Variants in ATP6V0A1 observed in about 807,000 individuals in gnomAD.
ATP6V0A1 encodes ATPase H+ transporting V0 subunit a1.
A neutral mutation model predicts 105.4 loss-of-function variants in ATP6V0A1; 43 were observed. The ratio of observed to expected loss-of-function variants is 0.41; its 90% confidence interval spans 0.32 to 0.53. ATP6V0A1 has a LOEUF of 0.53. Ranked by LOEUF, ATP6V0A1 falls within the 20% of genes least tolerant of loss-of-function variation. The pLI is 0.30. For synonymous variants in ATP6V0A1, 362 were observed against 372.8 expected (o/e 0.97, Z 0.33); for missense variants, 676 against 1,051.1 (o/e 0.64, Z 4.93).
chr17:42,490,746 C>A (rs954276230), intron 11 of ATP6V0A1, 109 bp downstream of exon 11: 2 of 1,221,712 alleles, frequency 1.6e-6, no homozygotes, highest in Non-Finnish European at 2.3e-6. Flanking sequence ...TGGAGTGCAG[C>A]AGCACGACTG....
intron 21 of ATP6V0A1, chr17:42,518,050 C>T (rs1431945956): frequency 6.6e-6 from 1 of 152,228 alleles, no homozygotes; most frequent in Non-Finnish European, 1.5e-5. Flanking sequence ...TCCCTCCTGC[C>T]ACATGAAGTG....
intron 21 of ATP6V0A1, among the ~76,000 whole-genome samples, chr17:42,515,468 C>CA (rs34612473): frequency 0.27 from 23,202 of 85,234 alleles, 2,950 homozygotes; most frequent in South Asian, 0.38. Flanking sequence ...GACTCTGTCT[C>CA]AAAAAAAAAA....
intron 18 of ATP6V0A1, 45 bp from the exon 19 acceptor site, chr17:42,508,527 G>A: frequency 6.2e-7 from 1 of 1,613,182 alleles, no homozygotes; most frequent in East Asian, 2.2e-5. Flanking sequence ...TTGTGACCTT[G>A]TGTGTGGCGT....
At chr17:42,490,662 T>A (rs1253082529) in intron 11 of ATP6V0A1, 25 bp downstream of exon 11, 1 of 1,568,574 alleles carries the variant, frequency 6.4e-7, no homozygotes, top group Non-Finnish European at 8.6e-7. Flanking sequence ...GTTATCTTTT[T>A]CCTCTAGAGT....
intron 7 of ATP6V0A1, 197 bp downstream of exon 7, chr17:42,478,786 TGA>T: frequency 8.3e-6 from 3 of 360,154 alleles, no homozygotes; most frequent in Non-Finnish European, 1.4e-5. Flanking sequence ...GATGTATACA[TGA>T]CATATACATA....
chr17:42,470,582 CAA>C (rs1443508434), intron 5 of ATP6V0A1: 2 of 179,274 alleles, frequency 1.1e-5, no homozygotes, highest in African/African-American at 4.8e-5. Context: ...AAAATTATAA[CAA>C]AGGTTTAATC....
intron 7 of ATP6V0A1, among the ~76,000 whole-genome samples, chr17:42,479,444 C>T (rs191205365): frequency 5.3e-5 from 8 of 152,320 alleles, no homozygotes; most frequent in South Asian, 2.1e-4. Flanking sequence ...CAGAGTTTAT[C>T]GTCTAAACCT....
At position 42,500,767 on chromosome 17, in the gene ATP6V0A1, C is replaced by T. The variant is rs773351363; in HGVS notation, c.1740C>T (p.Thr580=). The change falls in exon 16 of 22, where the codon ACC becomes ACT. Residue 580 remains threonine (T), a synonymous_variant. Transcript: ENST00000343619. ...TTATTCCTGAAATAATCTTCATGAC[C>T]TCTTTGTTTGGCTATTTGGTTATCC... ...FGFIPEIIFM[T]SLFGYLVILI... The T allele has an allele frequency of 6.2e-7, 1 of 1,613,956 alleles. No homozygotes were observed. Among genetic ancestry groups the T allele is most frequent in the South Asian group, 1.1e-5 (1 of 91,068 alleles).
intron 11 of ATP6V0A1, 41 bp from the exon 12 acceptor site, chr17:42,494,293 T>A (rs1267962972): frequency 6.4e-7 from 1 of 1,570,246 alleles, no homozygotes; most frequent in African/African-American, 1.4e-5. Context: ...TTGCTATGGT[T>A]TAATGTACTT....
intron 21 of ATP6V0A1, among the ~76,000 whole-genome samples, chr17:42,517,305 C>CA (rs571125471): frequency 8.0e-5 from 12 of 149,182 alleles, no homozygotes; most frequent in East Asian, 7.8e-4. Context: ...ACAACAACAA[C>CA]AAAAAAACCT....
At chr17:42,470,652 C>T (rs561694741) in intron 5 of ATP6V0A1, 40 of 163,146 alleles carry the variant, frequency 2.5e-4, no homozygotes, top group Non-Finnish European at 3.9e-4. Flanking sequence ...TATAAACCTT[C>T]GAGCACATTT....
rs2091093849 is a variant in ATP6V0A1 at position 42,495,725 on chromosome 17, ACTTC to A, written c.1560+16_1560+19del. 1.2e-6 allele frequency: 2 copies of A among 1,603,936 alleles called. No individual in the cohort carries two copies. The highest frequency in any genetic ancestry group is 1.3e-5 in the African/African-American group (1 of 74,812). On this transcript the variant is annotated intron_variant, in intron 14 of 21. Coordinates refer to ENST00000343619, the MANE Select transcript of ATP6V0A1 (RefSeq NM_001130021.3). ...CTTTTGGCATTGATCCAGTAAGAGGACTTCCTTCCTATATGCTAACCTCAAATTT... is the reference window on the plus strand; with the variant it reads ...CTTTTGGCATTGATCCAGTAAGAGGACTTCCTATATGCTAACCTCAAATTT...
chr17:42,507,396 T>A (rs2092095734), intron 17 of ATP6V0A1, 124 bp from the exon 18 acceptor site: 1 of 695,856 alleles, frequency 1.4e-6, no homozygotes, highest in Non-Finnish European at 2.5e-6. Context: ...AGTCAGTGGG[T>A]TTTGTTTTTG....
At chr17:42,468,176 ATAGAGAG>A in intron 4 of ATP6V0A1, 69 bp downstream of exon 4, 1 of 1,059,856 alleles carries the variant, frequency 9.4e-7, no homozygotes. Flanking sequence ...TCCTGAGCAG[ATAGAGAG>A]TAAAGTAATT....
intron 9 of ATP6V0A1, among the ~76,000 whole-genome samples, chr17:42,483,734 A>G (rs796155292): frequency 1.2e-4 from 18 of 152,288 alleles, no homozygotes; most frequent in African/African-American, 3.8e-4. Flanking sequence ...AGCATGTGCC[A>G]CTAAACCTGG....
At chr17:42,483,776 T>C (rs796770207) in intron 9 of ATP6V0A1, among the ~76,000 whole-genome samples, 22 of 152,238 alleles carry the variant, frequency 1.4e-4, no homozygotes, top group African/African-American at 4.8e-4. Flanking sequence ...GAGACAGGGT[T>C]TCACCATGTT....
intron 5 of ATP6V0A1, among the ~76,000 whole-genome samples, chr17:42,471,688 T>C (rs1375952516): frequency 6.6e-6 from 1 of 151,084 alleles, no homozygotes; most frequent in Non-Finnish European, 1.5e-5. Context: ...GAGCGGAGAT[T>C]AAGCCACTTT....
chr17:42,501,114 G>A (rs992414025), intron 16 of ATP6V0A1, 83 bp from the exon 17 acceptor site: 47 of 1,232,210 alleles, frequency 3.8e-5, no homozygotes, highest in Non-Finnish European at 5.4e-5. Context: ...ACTGTTGGGG[G>A]AAATTTGTGC....
At chr17:42,495,489 C>T in intron 13 of ATP6V0A1, 137 bp from the exon 14 acceptor site, 2 of 713,132 alleles carry the variant, frequency 2.8e-6, no homozygotes, top group Non-Finnish European at 4.7e-6. Context: ...CTGCTAGTCT[C>T]TCCTCTTTAT....
Sources: gnomAD v4.1 joint callset for allele counts (sites outside exome capture counted in the v4.1 genomes callset) on GRCh38, gnomAD v4.1.1 for gene constraint, MANE v1.5 for transcripts, NCBI Gene and HGNC (gene_info 2026-07-23, HGNC 2026-07-21) for gene names.